UMOD: variants seen among roughly 807,000 people sequenced by gnomAD.
UMOD encodes uromodulin, also known as Tamm-Horsfall urinary glycoprotein.
A neutral mutation model predicts 66.0 loss-of-function variants in UMOD; 64 were observed. That is an observed-to-expected ratio of 0.97 (90% CI 0.79 to 1.19). The LOEUF is 1.19. Among genes scored for constraint, UMOD ranks in the 50% most tolerant of loss-of-function variants. The pLI, the probability that UMOD is intolerant of heterozygous loss-of-function variation, is 0.00. For missense variants in UMOD, 764 were observed against 850.9 expected, an observed-to-expected ratio of 0.90 and a Z score of 1.27; for synonymous variants, 398 against 352.7, an observed-to-expected ratio of 1.13 and a Z score of -1.44.
intron 4 of UMOD, 93 bp downstream of exon 4, chr16:20,348,130 C>T: frequency 9.0e-7 from 1 of 1,108,124 alleles, no homozygotes; most frequent in Admixed American, 1.7e-5. Context: ...TGCGTCATAC[C>T]CATATGGCCC....
chr16:20,354,868 C>A (rs1314525956), upstream of UMOD, among the ~76,000 whole-genome samples: 1 of 152,140 alleles, frequency 6.6e-6, no homozygotes, highest in Non-Finnish European at 1.5e-5. Context: ...TCAATCCAGA[C>A]CACATACCCC....
chr16:20,355,185 T>C (rs13329952), upstream of UMOD, among the ~76,000 whole-genome samples: 36,405 of 151,926 alleles, frequency 0.24, 4,680 homozygotes, highest in African/African-American at 0.33. Flanking sequence ...TGTGTCCCCT[T>C]CTCTTGGGAT....
chr16:20,352,083 T>C (rs952082766), intron 1 of UMOD, among the ~76,000 whole-genome samples: 1 of 147,518 alleles, frequency 6.8e-6, no homozygotes, highest in Admixed American at 6.8e-5. Context: ...CAGTCGCTTC[T>C]GCATGTATGT....
intron 6 of UMOD, among the ~76,000 whole-genome samples, chr16:20,342,236 T>C (rs996971298): frequency 6.6e-6 from 1 of 152,198 alleles, no homozygotes; most frequent in East Asian, 1.9e-4. Flanking sequence ...TCTGTAGTCC[T>C]AGCCACCTGG....
chr16:20,346,114 GCCAGGACGTA>G lies in UMOD; in HGVS notation c.1182+2_1182+11del. On this transcript the variant is annotated splice_donor_variant and splice_donor_5th_base_variant and intron_variant, in intron 5 of 10. Coordinates refer to ENST00000396138, the MANE Select transcript of UMOD (RefSeq NM_003361.4). LOFTEE classifies it high-confidence loss of function. ...AGTGCTCTGGTTCTGTCCCCCACTG[GCCAGGACGTA>G]CCGTCAACACTGTCCCACAGGGGCC... The G allele has an allele frequency of 6.2e-7, 1 of 1,612,578 alleles. No individual in the cohort carries two copies. The highest frequency in any genetic ancestry group is 1.1e-5 in the South Asian group (1 of 91,002).
At chr16:20,350,144 C>T (rs1252238250) in intron 2 of UMOD, among the ~76,000 whole-genome samples, 1 of 152,010 alleles carries the variant, frequency 6.6e-6, no homozygotes, top group Non-Finnish European at 1.5e-5. Flanking sequence ...ACCAGGACAC[C>T]GCAATAGTAT....
intron 10 of UMOD, 69 bp from the exon 11 acceptor site, chr16:20,333,444 C>T (rs1024664877): frequency 9.6e-6 from 14 of 1,459,330 alleles, no homozygotes; most frequent in South Asian, 1.2e-5. Context: ...ACATAAGCTG[C>T]CTCGTCTAGG....
intron 2 of UMOD, chr16:20,349,693 G>T (rs1054745019): frequency 1.8e-5 from 27 of 1,484,782 alleles, no homozygotes; most frequent in Non-Finnish European, 2.2e-5. Flanking sequence ...AAAGTAATGC[G>T]CAGAATTCCT....
intron 7 of UMOD, among the ~76,000 whole-genome samples, chr16:20,338,121 G>T (rs1200489109): frequency 6.6e-6 from 1 of 152,192 alleles, no homozygotes; most frequent in Admixed American, 6.5e-5. Context: ...GGGAGCTTCT[G>T]GGAGTGTTTT....
chr16:20,337,906 C>G (rs1264001554), intron 7 of UMOD, among the ~76,000 whole-genome samples: 1 of 152,144 alleles, frequency 6.6e-6, no homozygotes, highest in Non-Finnish European at 1.5e-5. Context: ...GTGCACCCAT[C>G]TGCACGTATA....
chr16:20,344,598 C>A (rs1271105277), intron 5 of UMOD, among the ~76,000 whole-genome samples: 4 of 40,030 alleles, frequency 1.0e-4, no homozygotes, highest in Non-Finnish European at 1.3e-4. Flanking sequence ...GAGATTCCAT[C>A]TCAAAAAAAA....
chr16:20,343,117 G>A (rs534024689), intron 6 of UMOD, among the ~76,000 whole-genome samples: 1 of 120,364 alleles, frequency 8.3e-6, no homozygotes, highest in Non-Finnish European at 2.0e-5. Context: ...GCGACAGTAC[G>A]AGACTCCGTC....
chr16:20,344,242 T>C, intron 5 of UMOD, 70 bp from the exon 6 acceptor site: 1 of 1,469,802 alleles, frequency 6.8e-7, no homozygotes, highest in Non-Finnish European at 9.5e-7. Context: ...TGAGTAGGAC[T>C]TCAAAGCTAA....
chr16:20,346,357 G>A, intron 4 of UMOD, 23 bp from the exon 5 acceptor site: 4 of 1,613,674 alleles, frequency 2.5e-6, no homozygotes, highest in Non-Finnish European at 3.4e-6. Context: ...AGGTGGGATT[G>A]AGGACGTGTG....
At position 20,336,654 on chromosome 16, in the gene UMOD, G is replaced by T; in HGVS notation, c.1814C>A (p.Thr605Lys). 1.2e-6 allele frequency: 2 copies of T among 1,614,074 alleles called. No individual in the cohort carries two copies. Among genetic ancestry groups the T allele is most frequent in the Non-Finnish European group, 1.7e-6 (2 of 1,179,926 alleles). ...GCGAGTGGCTCTCTTACCTTTCCGT[G>T]TGATGGGACCCAAGTTCAGGACACG... The part of the protein sequence containing the change: ...QSRVLNLGPI[T>K]RKGVQATVSR... The change falls in exon 9 of 11, where the codon ACA (threonine) becomes AAA (lysine). Residue 605 changes from threonine to lysine, a missense_variant. Physicochemically the swap from Thr to Lys is moderately conservative, Grantham distance 78. Coordinates refer to ENST00000396138, the MANE Select transcript of UMOD (RefSeq NM_003361.4).
chr16:20,350,101 G>A (rs538568966), intron 2 of UMOD, among the ~76,000 whole-genome samples: 52 of 152,236 alleles, frequency 3.4e-4, no homozygotes, highest in Middle Eastern at 3.4e-3. Flanking sequence ...GGATAAAAAC[G>A]CAGATGGCAG....
In UMOD at chr16:20,350,862, C is replaced by G. The variant is rs779967170; in HGVS notation, c.-102-23G>C. On this transcript the variant is annotated intron_variant, in intron 1 of 10. Coordinates refer to ENST00000396138, the MANE Select transcript of UMOD (RefSeq NM_003361.4). ...GTCCTGTGAACAGAGATGGATGGGACAAATGCATGATCTAACTCTCCTCCC... is the reference window on the plus strand; with the variant it reads ...GTCCTGTGAACAGAGATGGATGGGAGAAATGCATGATCTAACTCTCCTCCC... 2.6e-6 allele frequency: 4 copies of G among 1,543,220 alleles called. No individual in the cohort carries two copies. The East Asian group carries it at 9.6e-5, about 37-fold the overall frequency.
chr16:20,334,882 A>C (rs1197748963), intron 10 of UMOD, among the ~76,000 whole-genome samples: 1 of 146,108 alleles, frequency 6.8e-6, no homozygotes, highest in Non-Finnish European at 1.5e-5. Context: ...GCCAGGCTGG[A>C]GTGCAGTGGC....
chr16:20,340,323 G>C (rs1033020463), intron 7 of UMOD, among the ~76,000 whole-genome samples: 5 of 151,750 alleles, frequency 3.3e-5, no homozygotes, highest in Non-Finnish European at 7.4e-5. Flanking sequence ...CGTGAGCTAT[G>C]ATCAAGTCAC....
Sources: allele counts gnomAD v4.1 joint callset (sites outside exome capture counted in the v4.1 genomes callset), GRCh38; gene constraint gnomAD v4.1.1; transcripts MANE v1.5; gene names NCBI Gene and HGNC (gene_info 2026-07-23, HGNC 2026-07-21).